The following SCUBE2 variants were observed in gnomAD, a reference collection of about 807,000 sequenced individuals.
SCUBE2 encodes the protein signal peptide, CUB and EGF-like domain-containing protein 2.
A neutral mutation model predicts 125.9 loss-of-function variants in SCUBE2; 114 were observed. The observed-to-expected ratio is 0.91, with a 90% CI of 0.78 to 1.06. The LOEUF (loss-of-function observed/expected upper bound fraction) is 1.06. Among genes scored for constraint, SCUBE2 ranks in the 50% least tolerant of loss-of-function variants. The pLI is 0.00. For synonymous variants in SCUBE2, 459 were observed against 492.9 expected, an observed-to-expected ratio of 0.93 and a Z score of 0.91; for missense variants, 1,255 against 1,301.8, an observed-to-expected ratio of 0.96 and a Z score of 0.55.
chr11:9,064,296 G>A lies in SCUBE2; in HGVS notation c.850+1595C>T, dbSNP rs145876574. Reference sequence around the variant, plus strand: ...AGCCTGGGCAACAGGGCAAAACCCTGTCTCTACAAAAAATACAAATATTAG... The same window carrying A: ...AGCCTGGGCAACAGGGCAAAACCCTATCTCTACAAAAAATACAAATATTAG... On this transcript the variant is annotated intron_variant, in intron 7 of 22. Coordinates refer to ENST00000649792, the MANE Select transcript of SCUBE2 (RefSeq NM_001367977.2). Among the ~76,000 whole-genome samples, 1,155 of 152,018 alleles carry A rather than the reference G, an allele frequency of 7.6e-3. 10 individuals carry two copies. Among genetic ancestry groups the A allele is most frequent in the Middle Eastern group, 0.055 (16 of 292 alleles).
rs1370788865 is a variant in SCUBE2 at position 9,052,767 on chromosome 11, A to AT, written c.1512dup (p.Ser505IlefsTer3). 2.6e-6 allele frequency: 4 copies of AT among 1,536,878 alleles called. No individual in the cohort carries two copies. The highest frequency in any genetic ancestry group is 1.7e-6 in the Non-Finnish European group (2 of 1,146,736). ...TTACCCCCAAAAGCAGAGTCATTTGATTTTTGTTGTTTGTTCCTGAGAGGA... is the reference window on the plus strand; with the variant it reads ...TTACCCCCAAAAGCAGAGTCATTTGATTTTTTGTTGTTTGTTCCTGAGAGGA... On this transcript the variant is annotated frameshift_variant, in exon 13 of 23. Coordinates refer to ENST00000649792, the MANE Select transcript of SCUBE2 (RefSeq NM_001367977.2). LOFTEE classifies it high-confidence loss of function.
In SCUBE2 at chr11:9,040,020, C is replaced by T. The variant is rs559454050; in HGVS notation, c.2003-6224G>A. 4.6e-5 allele frequency among the ~76,000 whole-genome samples: 7 copies of T among 152,218 alleles called. No individual in the cohort carries two copies. The South Asian group carries it at 6.2e-4, about 14-fold the overall frequency. ...TGCGCACCACAGGAGTGTCCGTGGG[C>T]GCATCTTCTGCTCCTAGCACAGCAG... On this transcript the variant is annotated intron_variant, in intron 16 of 22. Coordinates refer to ENST00000649792, the MANE Select transcript of SCUBE2 (RefSeq NM_001367977.2).
At chr11:9,068,032 G>A (rs1487361338) in intron 5 of SCUBE2, among the ~76,000 whole-genome samples, 1 of 152,126 alleles carries the variant, frequency 6.6e-6, no homozygotes, top group Admixed American at 6.5e-5. Flanking sequence ...TGACTTCGAG[G>A]GGCCCTAAGA....
In SCUBE2 at chr11:9,074,634, T is replaced by C. The variant is rs769619204; in HGVS notation, c.383-19A>G. 17 of 1,613,916 alleles carry C rather than the reference T, an allele frequency of 1.1e-5. No individual in the cohort carries two copies. In the African/African-American group the frequency reaches 1.7e-4, roughly 16 times the overall value. ...TCCACATCTGGAAGGAGAGAGGGAT[T>C]AGCCTTTGCTTTGGTGACTGTTTCA... On this transcript the variant is annotated intron_variant, in intron 3 of 22. Coordinates refer to ENST00000649792, the MANE Select transcript of SCUBE2 (RefSeq NM_001367977.2).
chr11:9,080,475 C>A (rs11042174), intron 2 of SCUBE2, among the ~76,000 whole-genome samples: 110,052 of 151,792 alleles, frequency 0.73, 43,449 homozygotes, highest in Non-Finnish European at 0.88. Context: ...ATAGTGAGAC[C>A]CCCATCTCTA....
chr11:9,079,506 A>G lies in SCUBE2; in HGVS notation c.260T>C (p.Ile87Thr). Reference sequence around the variant, plus strand: ...ATTGAGCTCATTTCCACATTCATCGATGTCTGAGGAATAAAACAGAAGTAA... The same window carrying G: ...ATTGAGCTCATTTCCACATTCATCGGTGTCTGAGGAATAAAACAGAAGTAA... The part of the protein sequence containing the change: ...YQGEGRQCED[I>T]DECGNELNGG... Residue 87 changes from isoleucine to threonine, a missense_variant, in exon 3 of 23, where the codon ATC becomes ACC. Around this residue, in one of 3 missense-constraint regions of SCUBE2, gnomAD observed 362 missense variants for 323.0 expected, o/e 1.12. Transcript: ENST00000649792. The G allele has an allele frequency of 6.2e-7, 1 of 1,613,656 alleles. No individual in the cohort carries two copies.
At chr11:9,090,485 A>ATTTTTTTTTTTTTTTTTT (rs71452502) in intron 1 of SCUBE2, 1 of 59,674 alleles carries the variant, frequency 1.7e-5, no homozygotes, top group African/African-American at 3.4e-5. Context: ...TTATTTATTT[A>ATTTTTTTTTTTTTTTTTT]TTTATTTTTT....
chr11:9,063,060 CA>C (rs1859841997), intron 7 of SCUBE2, among the ~76,000 whole-genome samples: 1 of 151,308 alleles, frequency 6.6e-6, no homozygotes, highest in Non-Finnish European at 1.5e-5. Flanking sequence ...GCCAACATAG[CA>C]AAATCCCTTT....
At chr11:9,066,546 T>TC in intron 6 of SCUBE2, 151 bp downstream of exon 6, 2 of 660,576 alleles carry the variant, frequency 3.0e-6, no homozygotes, top group Non-Finnish European at 5.3e-6. Context: ...CCTAGACCAC[T>TC]CCCACTGTAG....
chr11:9,073,022 G>C (rs1297202905), intron 4 of SCUBE2, among the ~76,000 whole-genome samples: 2 of 152,148 alleles, frequency 1.3e-5, no homozygotes, highest in Non-Finnish European at 2.9e-5. Flanking sequence ...CCCAGACCGT[G>C]AGGGCTCAAG....
At chr11:9,022,395 G>C (rs1248772896) in intron 21 of SCUBE2, among the ~76,000 whole-genome samples, 1 of 151,982 alleles carries the variant, frequency 6.6e-6, no homozygotes, top group Non-Finnish European at 1.5e-5. Flanking sequence ...TCTCCCTCCA[G>C]CTTCCATCTC....
rs201197784 is a variant in SCUBE2, at chr11:9,047,959, G to T, written c.1779C>A (p.Asn593Lys). Residue 593 changes from asparagine (N) to lysine (K), a missense_variant, in exon 15 of 23, where the codon AAC becomes AAA. Transcript: ENST00000649792. The stretch of plus-strand genomic sequence containing the variant: ...CAAACCAACCTGTCACCTCCTTTTG[G>T]TTAGTTTCAAGCTCAAACTCAACAG... ...FITVEFELET[N>K]QKEVTASCDL... The T allele has an allele frequency of 1.0e-4, 164 of 1,612,292 alleles. No individual in the cohort carries two copies. The highest frequency in any genetic ancestry group is 1.3e-4 in the Non-Finnish European group (157 of 1,179,368).
Position 9,030,750 on chromosome 11 carries a change from G to C in SCUBE2, c.2341+8C>G. ...GTCCTAGAAAAAGGCAAGCTGCCAA[G>C]TACTCACCTCTGGTTTCACAGTCCT... On this transcript the variant is annotated splice_region_variant and intron_variant, in intron 18 of 22. Coordinates refer to ENST00000649792, the MANE Select transcript of SCUBE2 (RefSeq NM_001367977.2). 6.2e-7 allele frequency: 1 copy of C among 1,611,514 alleles called. No homozygotes were observed. The highest frequency in any genetic ancestry group is 8.5e-7 in the Non-Finnish European group (1 of 1,178,762).
intron 10 of SCUBE2, among the ~76,000 whole-genome samples, chr11:9,054,239 C>T (rs1360145795): frequency 1.3e-5 from 2 of 152,180 alleles, no homozygotes; most frequent in Admixed American, 1.3e-4. Flanking sequence ...TCAGGTGATC[C>T]ACCTGCCTTG....
intron 16 of SCUBE2, among the ~76,000 whole-genome samples, chr11:9,046,001 C>CTTTTTTTTT (rs58572754): frequency 6.5e-5 from 6 of 92,038 alleles, no homozygotes; most frequent in African/African-American, 7.6e-5. Context: ...GTCTTTCTTT[C>CTTTTTTTTT]TTTTTTTTTT....
chr11:9,081,652 T>C (rs1458314759), intron 2 of SCUBE2, among the ~76,000 whole-genome samples: 1 of 82,578 alleles, frequency 1.2e-5, no homozygotes, highest in African/African-American at 3.2e-5. Context: ...AGATCCCACC[T>C]CAAAAAAACA....
At chr11:9,047,817 GA>G in intron 15 of SCUBE2, 125 bp downstream of exon 15, 23 of 1,215,946 alleles carry the variant, frequency 1.9e-5, no homozygotes, top group Non-Finnish European at 2.2e-5. Flanking sequence ...GTTTCGGGGT[GA>G]AAAAAAACAG....
At chr11:9,025,261 C>T (rs1855626001) in intron 21 of SCUBE2, among the ~76,000 whole-genome samples, 1 of 152,248 alleles carries the variant, frequency 6.6e-6, no homozygotes, top group South Asian at 2.1e-4. Context: ...ATAAAAGCCA[C>T]AATCATCAGA....
At chr11:9,030,184 T>G (rs1333710082) in intron 18 of SCUBE2, 139 bp from the exon 19 acceptor site, 1 of 909,660 alleles carries the variant, frequency 1.1e-6, no homozygotes, top group African/African-American at 1.7e-5. Flanking sequence ...CTGGGGCTAA[T>G]CAACACTTAA....
Sources: allele counts gnomAD v4.1 joint callset (sites outside exome capture counted in the v4.1 genomes callset), GRCh38; gene constraint gnomAD v4.1.1; regional missense constraint gnomAD v4.1.1; transcripts MANE v1.5; gene names NCBI Gene and HGNC (gene_info 2026-07-23, HGNC 2026-07-21).